The following CHRM5 variants were observed in gnomAD, a reference collection of about 807,000 sequenced individuals.
CHRM5 encodes cholinergic receptor muscarinic 5.
A neutral mutation model predicts 39.0 loss-of-function variants in CHRM5; 18 were observed. The ratio of observed to expected loss-of-function variants is 0.46; its 90% CI spans 0.32 to 0.68. The LOEUF is 0.68. Ranked by LOEUF, CHRM5 falls within the 30% of genes least tolerant of loss-of-function variation. The pLI is 0.04. For missense variants in CHRM5, 515 were observed against 651.1 expected (o/e 0.79, Z 2.28); for synonymous variants, 241 against 246.3 (o/e 0.98, Z 0.20).
intron 1 of CHRM5, among the ~76,000 whole-genome samples, chr15:34,027,659 G>A (rs1898550924): frequency 1.3e-5 from 2 of 152,066 alleles, no homozygotes; most frequent in Non-Finnish European, 2.9e-5. Context: ...GACACCATTT[G>A]ACCTCCCTGA....
intron 1 of CHRM5, among the ~76,000 whole-genome samples, chr15:33,976,840 T>C (rs1464152490): frequency 6.6e-6 from 1 of 152,166 alleles, no homozygotes; most frequent in Admixed American, 6.5e-5. Context: ...ATCCTAGGCA[T>C]AGAAACATAA....
chr15:34,030,213 C>G (rs1327727806), intron 1 of CHRM5, among the ~76,000 whole-genome samples: 1 of 152,160 alleles, frequency 6.6e-6, no homozygotes, highest in African/African-American at 2.4e-5. Context: ...GAGATCACAC[C>G]ACTGCATTCC....
chr15:33,983,812 G>A (rs1400094421), intron 1 of CHRM5, among the ~76,000 whole-genome samples: 2 of 151,910 alleles, frequency 1.3e-5, no homozygotes, highest in Non-Finnish European at 2.9e-5. Flanking sequence ...AGTGATCAGA[G>A]TTAACATCAT....
chr15:33,988,909 AAC>A (rs1348225165), intron 1 of CHRM5, among the ~76,000 whole-genome samples: 1 of 152,220 alleles, frequency 6.6e-6, no homozygotes, highest in Non-Finnish European at 1.5e-5. Flanking sequence ...TAACACTCAT[AAC>A]ACAAATGGCT....
intron 1 of CHRM5, among the ~76,000 whole-genome samples, chr15:34,025,935 T>C (rs1898448837): frequency 1.3e-5 from 2 of 152,238 alleles, no homozygotes. Flanking sequence ...ACAGTTTTTA[T>C]GTGCAGTCTT....
At chr15:33,996,292 T>TA (rs201067502) in intron 1 of CHRM5, among the ~76,000 whole-genome samples, 3,254 of 152,304 alleles carry the variant, frequency 0.021, 110 homozygotes, top group African/African-American at 0.073. Flanking sequence ...TCTGCAGACT[T>TA]AAACGTCCCT....
chr15:34,057,117 A>G (rs1900183125), intron 2 of CHRM5, among the ~76,000 whole-genome samples: 1 of 146,688 alleles, frequency 6.8e-6, no homozygotes, highest in Non-Finnish European at 1.5e-5. Context: ...CATTCCTACC[A>G]GGAGAAGAGT....
At chr15:34,011,191 C>G (rs1471522567) in intron 1 of CHRM5, among the ~76,000 whole-genome samples, 1 of 147,562 alleles carries the variant, frequency 6.8e-6, no homozygotes, top group African/African-American at 2.5e-5. Context: ...GACTCTGTCT[C>G]AAAAAAAACT....
At chr15:34,013,427 T>C (rs752912086) in intron 1 of CHRM5, among the ~76,000 whole-genome samples, 16 of 152,226 alleles carry the variant, frequency 1.1e-4, no homozygotes, top group Non-Finnish European at 2.1e-4. Context: ...GATAAACTTA[T>C]TTCTTTAAGT....
At chr15:34,009,340 C>A (rs531564604) in intron 1 of CHRM5, among the ~76,000 whole-genome samples, 18 of 152,206 alleles carry the variant, frequency 1.2e-4, no homozygotes, top group South Asian at 2.1e-4. Flanking sequence ...CATGAAAAAA[C>A]CAGTAATTAT....
In CHRM5 at chr15:34,063,591, G is replaced by A. The variant is rs377423553; in HGVS notation, c.874G>A (p.Ala292Thr). The A allele has an allele frequency of 2.2e-4, 348 of 1,613,728 alleles. No individual in the cohort carries two copies. Among genetic ancestry groups the A allele is most frequent in the Non-Finnish European group, 2.6e-4 (307 of 1,180,026 alleles). Residue 292 changes from alanine to threonine, a missense_variant, in exon 3 of 3, where the codon GCC becomes ACC. Physicochemically the swap from Ala to Thr is moderately conservative, Grantham distance 58. Transcript: ENST00000383263. The surrounding 1 kb of genome is among the most constrained non-coding windows in gnomAD (Gnocchi z 4.1). ...GCCATCCCAAGCCACTGGCCCAAGC[G>A]CCAATTGGGCCAAAGCTGAGCAGCT... Reference protein sequence around the residue: ...GKPSQATGPSANWAKAEQLTT... With the variant: ...GKPSQATGPSTNWAKAEQLTT...
At chr15:33,986,973 G>A (rs1421772443) in intron 1 of CHRM5, among the ~76,000 whole-genome samples, 1 of 152,160 alleles carries the variant, frequency 6.6e-6, no homozygotes, top group Non-Finnish European at 1.5e-5. Context: ...CTTTTCAAGT[G>A]CTAAATAAAC....
At chr15:33,975,130 G>A (rs967013564) in intron 1 of CHRM5, among the ~76,000 whole-genome samples, 3 of 152,116 alleles carry the variant, frequency 2.0e-5, no homozygotes, top group Non-Finnish European at 4.4e-5. Context: ...CTTAGAGCCC[G>A]CAGGTCCCCT....
At chr15:34,017,224 A>T (rs537222744) in intron 1 of CHRM5, among the ~76,000 whole-genome samples, 2 of 152,158 alleles carry the variant, frequency 1.3e-5, no homozygotes, top group African/African-American at 4.8e-5. Flanking sequence ...ACCTATTAAC[A>T]ATTCATCCAA....
chr15:33,982,658 G>T (rs1459274341), intron 1 of CHRM5, among the ~76,000 whole-genome samples: 1 of 152,120 alleles, frequency 6.6e-6, no homozygotes, highest in Non-Finnish European at 1.5e-5. Context: ...TTTGAATTTA[G>T]TAATGGAAAC....
intron 1 of CHRM5, among the ~76,000 whole-genome samples, chr15:33,985,798 TC>T (rs1896418869): frequency 6.6e-6 from 1 of 152,144 alleles, no homozygotes; most frequent in Non-Finnish European, 1.5e-5. Flanking sequence ...AGTCACTTAA[TC>T]TTTTTAAGCT....
chr15:34,032,017 G>GCA (rs1555518600), intron 1 of CHRM5, among the ~76,000 whole-genome samples: 238 of 84,966 alleles, frequency 2.8e-3, no homozygotes, highest in African/African-American at 6.7e-3. Context: ...ACATACGCGC[G>GCA]CACACGCACA....
intron 1 of CHRM5, among the ~76,000 whole-genome samples, chr15:34,042,561 C>T (rs935135633): frequency 2.6e-5 from 4 of 151,786 alleles, no homozygotes; most frequent in African/African-American, 2.4e-5. Flanking sequence ...CCACCACGCC[C>T]GGCTAATTTT....
At chr15:34,024,688 T>C (rs1258118321) in intron 1 of CHRM5, among the ~76,000 whole-genome samples, 2 of 131,984 alleles carry the variant, frequency 1.5e-5, no homozygotes, top group Non-Finnish European at 1.6e-5. Flanking sequence ...CCGTCTCTAC[T>C]AAAAAAAAAA....
Sources: gnomAD v4.1 joint callset for allele counts (sites outside exome capture counted in the v4.1 genomes callset) on GRCh38, gnomAD v4.1.1 for gene constraint, Gnocchi (gnomAD v3.1) non-coding constraint, MANE v1.5 for transcripts, NCBI Gene and HGNC (gene_info 2026-07-23, HGNC 2026-07-21) for gene names.